CWC27: variants seen among roughly 807,000 people sequenced by gnomAD.
The protein encoded by CWC27 is spliceosome-associated protein CWC27 homolog.
A neutral mutation model predicts 63.6 loss-of-function variants in CWC27; 47 were observed. The ratio of observed to expected loss-of-function variants is 0.74; its 90% CI spans 0.58 to 0.94. CWC27 has a LOEUF of 0.94. CWC27 is among the 40% of genes least tolerant of loss of function. The pLI, the probability that CWC27 is intolerant of heterozygous loss-of-function variation, is 0.00. For synonymous variants in CWC27, 175 were observed against 179.8 expected, an observed-to-expected ratio of 0.97 and a Z score of 0.22; for missense variants, 495 against 554.3, an observed-to-expected ratio of 0.89 and a Z score of 1.07.
intron 10 of CWC27, chr5:64,808,344 C>T: frequency 1.0e-6 from 1 of 988,390 alleles, no homozygotes; most frequent in South Asian, 4.6e-5. Context: ...TACTATATTC[C>T]CTGACTCCTT....
chr5:64,964,922 C>T (rs1039652863), intron 11 of CWC27, among the ~76,000 whole-genome samples: 18 of 152,038 alleles, frequency 1.2e-4, no homozygotes, highest in African/African-American at 4.3e-4. Context: ...TGATTAACAA[C>T]CACAATCAAA....
At position 64,826,081 on chromosome 5, in the gene CWC27, A is replaced by ATCTG. The variant is rs771573090; in HGVS notation, c.938+21698_938+21699insGTCT. On this transcript the variant is annotated intron_variant, in intron 10 of 13. Coordinates refer to ENST00000381070, the MANE Select transcript of CWC27 (RefSeq NM_005869.4). ...TAAGCTAATTCTTTGTAATAAATCT[A>ATCTG]TCTATCTATCTATCTATCTATCTAT... Among the ~76,000 whole-genome samples the ATCTG allele has an allele frequency of 3.4e-3, 501 of 145,678 alleles. 4 individuals carry two copies. The highest frequency in any genetic ancestry group is 0.015 in the East Asian group (75 of 5,118).
At chr5:64,798,881 C>T (rs1444255088) in intron 7 of CWC27, among the ~76,000 whole-genome samples, 1 of 152,176 alleles carries the variant, frequency 6.6e-6, no homozygotes, top group Non-Finnish European at 1.5e-5. Context: ...ACTCTAATCT[C>T]TTAACTATTC....
chr5:64,903,652 C>A (rs1263726999), intron 11 of CWC27, among the ~76,000 whole-genome samples: 1 of 151,792 alleles, frequency 6.6e-6, no homozygotes, highest in South Asian at 2.1e-4. Context: ...ATGTAACAAA[C>A]CTGCATGTTC....
chr5:65,007,754 T>A (rs1025509955), intron 13 of CWC27, among the ~76,000 whole-genome samples: 1 of 151,728 alleles, frequency 6.6e-6, no homozygotes, highest in Admixed American at 6.6e-5. Context: ...CAGCCTCCCA[T>A]GTAGCTGGGA....
chr5:64,896,947 C>T (rs1299396627), intron 11 of CWC27, among the ~76,000 whole-genome samples: 2 of 152,186 alleles, frequency 1.3e-5, no homozygotes, highest in East Asian at 1.9e-4. Context: ...CACGGTGGCT[C>T]ATACCTGTAA....
At chr5:64,884,089 C>T (rs977100235) in intron 10 of CWC27, 1 of 152,042 alleles carries the variant, frequency 6.6e-6, no homozygotes, top group African/African-American at 2.4e-5. Context: ...GATGTATCCA[C>T]AGGACAAACA....
At chr5:65,001,311 C>G (rs1749727713) in intron 13 of CWC27, among the ~76,000 whole-genome samples, 1 of 152,054 alleles carries the variant, frequency 6.6e-6, no homozygotes, top group Non-Finnish European at 1.5e-5. Flanking sequence ...CATTGTATTT[C>G]TTTATCTTGC....
chr5:64,828,960 A>G (rs967521589), intron 10 of CWC27, among the ~76,000 whole-genome samples: 2 of 152,124 alleles, frequency 1.3e-5, no homozygotes, highest in African/African-American at 2.4e-5. Flanking sequence ...CTGTGGTATG[A>G]GGTATATGGT....
intron 13 of CWC27, among the ~76,000 whole-genome samples, chr5:64,983,630 A>G (rs990424541): frequency 3.9e-5 from 6 of 152,220 alleles, no homozygotes; most frequent in Non-Finnish European, 8.8e-5. Flanking sequence ...TAGAAGCAAC[A>G]TGGTACTTTC....
intron 2 of CWC27, among the ~76,000 whole-genome samples, chr5:64,779,220 A>G (rs543823318): frequency 3.9e-4 from 60 of 152,194 alleles, no homozygotes; most frequent in Non-Finnish European, 7.5e-4. Flanking sequence ...AAATCTGGTG[A>G]AATCTTTAGG....
intron 10 of CWC27, among the ~76,000 whole-genome samples, chr5:64,832,355 TA>T (rs1745547191): frequency 6.6e-6 from 1 of 151,892 alleles, no homozygotes; most frequent in Admixed American, 6.6e-5. Context: ...TTGAGTTTTC[TA>T]AAATTCCAAC....
intron 11 of CWC27, among the ~76,000 whole-genome samples, chr5:64,911,646 G>GT (rs1416926939): frequency 6.6e-6 from 1 of 152,282 alleles, no homozygotes; most frequent in East Asian, 1.9e-4. Flanking sequence ...GTACTGTGGT[G>GT]TTTTTAACAG....
intron 11 of CWC27, among the ~76,000 whole-genome samples, chr5:64,909,496 G>A (rs1054248773): frequency 4.6e-5 from 7 of 152,114 alleles, no homozygotes; most frequent in African/African-American, 1.7e-4. Context: ...TGCTAGATTG[G>A]GGAAGTTCTC....
chr5:64,859,875 A>G lies in CWC27; in HGVS notation c.939-25568A>G, dbSNP rs561758467. 3.9e-5 allele frequency among the ~76,000 whole-genome samples: 6 copies of G among 152,306 alleles called. 1 individual carries two copies. The South Asian group carries it at 1.2e-3, about 32-fold the overall frequency. On this transcript the variant is annotated intron_variant, in intron 10 of 13. Coordinates refer to ENST00000381070, the MANE Select transcript of CWC27 (RefSeq NM_005869.4). ...TCTTAGACCATTTCCAGAGAACATG[A>G]AAGTTTAAAATGTGATTGCTCTTTT...
intron 13 of CWC27, among the ~76,000 whole-genome samples, chr5:65,003,537 CTT>C (rs1018345781): frequency 3.3e-5 from 5 of 152,044 alleles, no homozygotes; most frequent in African/African-American, 9.7e-5. Flanking sequence ...AGATATTGTC[CTT>C]TTGTTTTCAG....
intron 13 of CWC27, among the ~76,000 whole-genome samples, chr5:65,017,181 C>T (rs781383881): frequency 2.0e-5 from 3 of 151,972 alleles, no homozygotes; most frequent in Non-Finnish European, 4.4e-5. Flanking sequence ...ATTAGCCAGG[C>T]GTGGTGGCAA....
At chr5:64,815,246 A>G (rs140976946) in intron 10 of CWC27, among the ~76,000 whole-genome samples, 1 of 152,242 alleles carries the variant, frequency 6.6e-6, no homozygotes, top group Non-Finnish European at 1.5e-5. Context: ...ATCTCAGCTA[A>G]TATTTGTTTT....
chr5:64,885,617 C>T, intron 11 of CWC27, 71 bp downstream of exon 11: 2 of 1,107,990 alleles, frequency 1.8e-6, no homozygotes, highest in South Asian at 2.8e-5. Flanking sequence ...CTCCTCCCTG[C>T]CCGCTCCCGT....
Sources: allele counts gnomAD v4.1 joint callset (sites outside exome capture counted in the v4.1 genomes callset), GRCh38; gene constraint gnomAD v4.1.1; transcripts MANE v1.5; gene names NCBI Gene and HGNC (gene_info 2026-07-23, HGNC 2026-07-21).